Variants in CCDC136 observed in about 807,000 individuals in gnomAD.
CCDC136 encodes the protein coiled-coil domain containing 136, also known as coiled-coil domain-containing protein 136.
Under a neutral mutation model 141.2 loss-of-function variants are expected in CCDC136, and 100 were observed. That is an observed-to-expected ratio of 0.71 (90% CI 0.60 to 0.84). The LOEUF (loss-of-function observed/expected upper bound fraction) is 0.84, where lower values mean the gene tolerates loss of function less well. Ranked by LOEUF, CCDC136 falls within the 40% of genes least tolerant of loss-of-function variation. The pLI, the probability that CCDC136 is intolerant of heterozygous loss-of-function variation, is 0.00. For synonymous variants in CCDC136, 474 were observed against 531.9 expected (o/e 0.89, Z 1.50); for missense variants, 1,206 against 1,379.4 (o/e 0.87, Z 1.99).
At chr7:128,795,373 A>G (rs1322050301) in intron 3 of CCDC136, among the ~76,000 whole-genome samples, 2 of 152,088 alleles carry the variant, frequency 1.3e-5, no homozygotes, top group African/African-American at 4.8e-5. Context: ...CCAAATAAAG[A>G]GGCAGCTTTT....
chr7:128,818,352 G>A (rs1415624854), intron 17 of CCDC136: 1 of 162,936 alleles, frequency 6.1e-6, no homozygotes, highest in African/African-American at 2.4e-5. Flanking sequence ...GGAGAGAGAG[G>A]AGCTCTGAAG....
At position 128,796,739 on chromosome 7, in the gene CCDC136, A is replaced by ATATATATTTTTTTTT; in HGVS notation, c.346+1972_346+1973insATATATTTTTTTTTT. On this transcript the variant is annotated intron_variant, in intron 3 of 17. Coordinates refer to ENST00000297788, the MANE Select transcript of CCDC136 (RefSeq NM_022742.5). ...TGATTCAGAATATATATATATATAT[A>ATATATATTTTTTTTT]TTCTTTTTTTTTTTTTTTTTGAGAC... 5.4e-4 allele frequency among the ~76,000 whole-genome samples: 61 copies of ATATATATTTTTTTTT among 113,376 alleles called. 3 individuals are homozygous for ATATATATTTTTTTTT. Among genetic ancestry groups the ATATATATTTTTTTTT allele is most frequent in the African/African-American group, 2.4e-3 (53 of 21,810 alleles). 74.4% of individuals were successfully genotyped at this position (113,376 alleles called of 152,430 possible). A position where few individuals can be genotyped will look rare whatever the true frequency, so the allele number is the denominator to read the frequency against.
At position 128,794,843 on chromosome 7, in the gene CCDC136, G is replaced by T. The variant is rs1802706822; in HGVS notation, c.346+75G>T. ...CTAAGTACTTTTTTCCTGAGGGTTT[G>T]ACTGAAGCACAGCAGATAAAAATAA... On this transcript the variant is annotated intron_variant, in intron 3 of 17. Coordinates refer to ENST00000297788, the MANE Select transcript of CCDC136 (RefSeq NM_022742.5). This position sits in a 1 kb window ranked among gnomAD's most constrained non-coding sequence, Gnocchi z 4.3. The T allele has an allele frequency of 4.2e-6, 5 of 1,178,600 alleles. No individual in the cohort carries two copies. The highest frequency in any genetic ancestry group is 6.2e-6 in the Non-Finnish European group (5 of 812,436). 73.0% of individuals were successfully genotyped at this position (1,178,600 alleles called of 1,614,324 possible).
rs1032839375 is a variant in CCDC136, at chr7:128,809,485, G to C, written c.1641G>C (p.Gln547His). 3 of 1,547,208 alleles carry C rather than the reference G, an allele frequency of 1.9e-6. No homozygotes were observed. The African/African-American group carries it at 4.1e-5, about 21-fold the overall frequency. Residue 547 changes from glutamine (Q) to histidine (H), a missense_variant, in exon 11 of 18, where the codon CAG becomes CAC. By Grantham distance (24) the Gln-to-His change is conservative (BLOSUM62 0). Transcript: ENST00000297788. The part of the protein sequence containing the change: ...DTLLSRLTEL[Q>H]EKYKASQKEM... Reference sequence around the variant, plus strand: ...TGCTGTCCAGACTGACAGAATTGCAGGAAAAGTACAAGGCCAGCCAGAAGG... The same window carrying C: ...TGCTGTCCAGACTGACAGAATTGCACGAAAAGTACAAGGCCAGCCAGAAGG...
chr7:128,806,149 C>T, intron 7 of CCDC136, 88 bp from the exon 8 acceptor site: 1 of 1,243,886 alleles, frequency 8.0e-7, no homozygotes, highest in Non-Finnish European at 1.1e-6. Flanking sequence ...CTCAAGATGT[C>T]TGCATCTGAA....
chr7:128,801,673 G>A (rs373554993), intron 4 of CCDC136, among the ~76,000 whole-genome samples, 164 bp downstream of exon 4: 170 of 152,312 alleles, frequency 1.1e-3, no homozygotes, highest in African/African-American at 3.9e-3. Context: ...GCTCATGCCT[G>A]TAATCCCAGA....
chr7:128,815,058 C>G (rs1265512882), intron 15 of CCDC136, 139 bp downstream of exon 15: 2 of 745,180 alleles, frequency 2.7e-6, no homozygotes, highest in African/African-American at 3.6e-5. Flanking sequence ...TACAGTGGTT[C>G]CCATCTTAAT....
rs1804744568 is a variant in CCDC136 at position 128,805,826 on chromosome 7, G to A, written c.1014G>A (p.Gln338=). 1 of 1,613,988 alleles carries A rather than the reference G, an allele frequency of 6.2e-7. No homozygotes were observed. Among genetic ancestry groups the A allele is most frequent in the Non-Finnish European group, 8.5e-7 (1 of 1,179,878 alleles). ...QHHRQVSEEE[Q]RRLQRELKCA... ...ATCGCCAGGTCAGTGAGGAGGAGCAGAGGCGGCTGCAGAGGGAGCTCAAGT... is the reference window on the plus strand; with the variant it reads ...ATCGCCAGGTCAGTGAGGAGGAGCAAAGGCGGCTGCAGAGGGAGCTCAAGT... The change falls in exon 7 of 18, where the codon CAG becomes CAA. Residue 338 remains glutamine (Q), a synonymous_variant. Coordinates refer to ENST00000297788, the MANE Select transcript of CCDC136 (RefSeq NM_022742.5). This position sits in a 1 kb window ranked among gnomAD's most constrained non-coding sequence, Gnocchi z 4.6.
intron 3 of CCDC136, among the ~76,000 whole-genome samples, chr7:128,797,643 T>A (rs1803242848): frequency 6.6e-6 from 1 of 152,146 alleles, no homozygotes; most frequent in South Asian, 2.1e-4. Flanking sequence ...AGGCACCGAT[T>A]GGATTGGGTT....
At chr7:128,818,422 A>T (rs759277561) in intron 17 of CCDC136, among the ~76,000 whole-genome samples, 9 of 152,264 alleles carry the variant, frequency 5.9e-5, no homozygotes, top group Non-Finnish European at 1.2e-4. Context: ...AAGCTGGTCC[A>T]TCAAGCTTGG....
At chr7:128,815,488 C>T in intron 15 of CCDC136, 126 bp from the exon 16 acceptor site, 1 of 1,095,802 alleles carries the variant, frequency 9.1e-7, no homozygotes, top group African/African-American at 1.6e-5. Context: ...TCCCAGAGCA[C>T]CGGGCCACAC....
In CCDC136 at chr7:128,792,363, C is replaced by T; in HGVS notation, c.-49C>T. 1 of 1,581,478 alleles carries T rather than the reference C, an allele frequency of 6.3e-7. No individual in the cohort carries two copies. Among genetic ancestry groups the T allele is most frequent in the Non-Finnish European group, 8.6e-7 (1 of 1,161,662 alleles). On this transcript the variant is annotated 5_prime_UTR_variant, in exon 1 of 18. Coordinates refer to ENST00000297788, the MANE Select transcript of CCDC136 (RefSeq NM_022742.5). ...TAGGCTCCTATGAGGCTTCCGAGGG[C>T]TGTGAGAGGAAGAAGGGCCAACGCT...
At chr7:128,809,097 A>G in intron 10 of CCDC136, 1 of 446,940 alleles carries the variant, frequency 2.2e-6, no homozygotes, top group Non-Finnish European at 3.0e-6. Context: ...AAGAGTTCCC[A>G]ACAGGGTGGG....
Position 128,813,437 on chromosome 7 carries a change from C to T in CCDC136, c.2763+508C>T, listed in dbSNP as rs147202961. Among the ~76,000 whole-genome samples the T allele has an allele frequency of 7.9e-3, 1,210 of 152,202 alleles. 19 individuals carry two copies. The highest frequency in any genetic ancestry group is 0.028 in the African/African-American group (1,162 of 41,512). Reference sequence around the variant, plus strand: ...CAGTGGGGGTCTCTTTGTATACACACGGGAGAGATTCAGAGAGCAGCGAAC... The same window carrying T: ...CAGTGGGGGTCTCTTTGTATACACATGGGAGAGATTCAGAGAGCAGCGAAC... On this transcript the variant is annotated intron_variant, in intron 14 of 17. Transcript: ENST00000297788.
chr7:128,814,655 CAAGCTGCGGG>C lies in CCDC136; in HGVS notation c.2783_2792del (p.Lys928SerfsTer18). The C allele has an allele frequency of 6.3e-7, 1 of 1,586,302 alleles. No homozygotes were observed. The highest frequency in any genetic ancestry group is 8.6e-7 in the Non-Finnish European group (1 of 1,165,246). Reference sequence around the variant, plus strand: ...ACCAACAGATCAAAGAACTGCAGACCAAGCTGCGGGAGCTGCAGCTGCAATACCAGGCTAG... The same window carrying C: ...ACCAACAGATCAAAGAACTGCAGACCAGCTGCAGCTGCAATACCAGGCTAG... On this transcript the variant is annotated frameshift_variant, in exon 15 of 18. Transcript: ENST00000297788. LOFTEE classifies it high-confidence loss of function.
At position 128,807,363 on chromosome 7, in the gene CCDC136, A is replaced by G; in HGVS notation, c.1423A>G (p.Thr475Ala). The change falls in exon 10 of 18, where the codon ACA (threonine) becomes GCA (alanine). Residue 475 changes from threonine to alanine, a missense_variant. By Grantham distance (58) the Thr-to-Ala change is moderately conservative. Coordinates refer to ENST00000297788, the MANE Select transcript of CCDC136 (RefSeq NM_022742.5). ...CAGGCCTGCCTCCCCTGCCCAGGACACAGAGACGCACGCTCAGCTTCAGGA... is the reference window on the plus strand; with the variant it reads ...CAGGCCTGCCTCCCCTGCCCAGGACGCAGAGACGCACGCTCAGCTTCAGGA... ...ASFKESNEKD[T>A]ETHAQLQEMK... 6.6e-7 allele frequency: 1 copy of G among 1,521,934 alleles called. No homozygotes were observed. The highest frequency in any genetic ancestry group is 8.8e-7 in the Non-Finnish European group (1 of 1,133,070). The allele number at this position is 1,521,934 out of a possible 1,614,324, so 94.3% of individuals were successfully genotyped here.
chr7:128,813,732 G>C (rs1806128697), intron 14 of CCDC136, among the ~76,000 whole-genome samples: 1 of 152,180 alleles, frequency 6.6e-6, no homozygotes, highest in South Asian at 2.1e-4. Context: ...TGTAATCTCA[G>C]CACTTTGGGA....
chr7:128,809,655 C>G lies in CCDC136; in HGVS notation c.1800+11C>G, dbSNP rs1302420184. ...GGCCTCTTACTCAAGGTAACTCTGC[C>G]ACAGGCAGCTGCTAACTGCGGGGAA... On this transcript the variant is annotated intron_variant, in intron 11 of 17. Transcript: ENST00000297788. 1 of 1,494,308 alleles carries G rather than the reference C, an allele frequency of 6.7e-7. No individual in the cohort carries two copies. 92.6% of individuals were successfully genotyped at this position (1,494,308 alleles called of 1,614,324 possible).
chr7:128,792,020 CCT>C lies in CCDC136; in HGVS notation c.-389_-388del. The C allele has an allele frequency of 8.2e-7, 1 of 1,219,972 alleles. No individual in the cohort carries two copies. Among genetic ancestry groups the C allele is most frequent in the Non-Finnish European group, 1.0e-6 (1 of 976,746 alleles). 75.6% of individuals were successfully genotyped at this position (1,219,972 alleles called of 1,614,324 possible). A position where few individuals can be genotyped will look rare whatever the true frequency, so the allele number is the denominator to read the frequency against. On this transcript the variant is annotated 5_prime_UTR_variant, in exon 1 of 18. Coordinates refer to ENST00000297788, the MANE Select transcript of CCDC136 (RefSeq NM_022742.5). ...CAGCCTCTTCTTCACTGGCTCCCGC[CCT>C]CTTTCAGTCTTGGCCCTCTCCTCCC...
Sources: gnomAD v4.1 joint callset for allele counts (sites outside exome capture counted in the v4.1 genomes callset) on GRCh38, gnomAD v4.1.1 for gene constraint, Gnocchi (gnomAD v3.1) non-coding constraint, MANE v1.5 for transcripts, NCBI Gene and HGNC (gene_info 2026-07-23, HGNC 2026-07-21) for gene names.